HCN1: variants seen among roughly 807,000 people sequenced by gnomAD.
HCN1 encodes hyperpolarization activated cyclic nucleotide gated potassium channel 1.
Under a neutral mutation model 78.9 loss-of-function variants are expected in HCN1, and 13 were observed. That is an observed-to-expected ratio of 0.16 (90% CI 0.11 to 0.26). The LOEUF (loss-of-function observed/expected upper bound fraction) is 0.26. Among genes scored for constraint, HCN1 ranks in the 10% least tolerant of loss-of-function variants. HCN1 has a pLI of 1.00. For synonymous variants in HCN1, 552 were observed against 455.5 expected (o/e 1.21, Z -2.70); for missense variants, 810 against 1,154.3 (o/e 0.70, Z 4.32).
chr5:45,651,096 A>T (rs947780057), intron 1 of HCN1, among the ~76,000 whole-genome samples: 1 of 152,058 alleles, frequency 6.6e-6, no homozygotes, highest in Admixed American at 6.6e-5. Context: ...TTGAATAAAA[A>T]TATTTATGGT....
chr5:45,433,876 T>C (rs762161247), intron 3 of HCN1, among the ~76,000 whole-genome samples: 2 of 152,212 alleles, frequency 1.3e-5, no homozygotes, highest in African/African-American at 2.4e-5. Context: ...AATCAATATC[T>C]GTTGAATGAC....
At chr5:45,677,349 C>T (rs563962786) in intron 1 of HCN1, among the ~76,000 whole-genome samples, 63 of 151,846 alleles carry the variant, frequency 4.1e-4, no homozygotes, top group Admixed American at 2.5e-3. Flanking sequence ...TGTATTGAAG[C>T]AAATTGCCTA....
At position 45,645,627 on chromosome 5, in the gene HCN1, T is replaced by A. The variant is rs753464271; in HGVS notation, c.426-19A>T. 5 of 1,555,592 alleles carry A rather than the reference T, an allele frequency of 3.2e-6. No homozygotes were observed. Among genetic ancestry groups the A allele is most frequent in the Non-Finnish European group, 4.4e-6 (5 of 1,142,204 alleles). On this transcript the variant is annotated intron_variant, in intron 1 of 7. Coordinates refer to ENST00000303230, the MANE Select transcript of HCN1 (RefSeq NM_021072.4). ...GTAAAACCTACAACAAATAAAAAAA[T>A]CAGATTTTAAGATATAGAAAATAAC...
At chr5:45,472,224 C>T (rs1478618734) in intron 2 of HCN1, among the ~76,000 whole-genome samples, 3 of 151,874 alleles carry the variant, frequency 2.0e-5, no homozygotes, top group African/African-American at 7.2e-5. Context: ...TACCTTCCAT[C>T]CTATCCATTT....
At chr5:45,658,600 C>T (rs1745839487) in intron 1 of HCN1, among the ~76,000 whole-genome samples, 1 of 151,698 alleles carries the variant, frequency 6.6e-6, no homozygotes, top group Non-Finnish European at 1.5e-5. Context: ...TGTGCGCGCA[C>T]CGTGCGCGAG....
intron 2 of HCN1, among the ~76,000 whole-genome samples, chr5:45,508,758 A>G (rs945053823): frequency 6.6e-5 from 10 of 152,146 alleles, no homozygotes; most frequent in African/African-American, 2.4e-4. Context: ...TTTATGATAG[A>G]TACATTTGAA....
At chr5:45,446,281 G>C (rs944789844) in intron 3 of HCN1, among the ~76,000 whole-genome samples, 1 of 152,134 alleles carries the variant, frequency 6.6e-6, no homozygotes, top group African/African-American at 2.4e-5. Context: ...TGGAAGAAAG[G>C]GTATGAGTGA....
intron 4 of HCN1, among the ~76,000 whole-genome samples, chr5:45,373,195 TTA>T (rs1461159045): frequency 1.6e-5 from 2 of 122,682 alleles, no homozygotes; most frequent in Non-Finnish European, 3.2e-5. Flanking sequence ...TATATGTATT[TTA>T]TATATTTTAT....
At chr5:45,579,365 T>C (rs1202576505) in intron 2 of HCN1, among the ~76,000 whole-genome samples, 1 of 152,040 alleles carries the variant, frequency 6.6e-6, no homozygotes, top group African/African-American at 2.4e-5. Flanking sequence ...AACTGCCTCA[T>C]AAATTGAACC....
intron 6 of HCN1, among the ~76,000 whole-genome samples, chr5:45,292,428 A>G (rs541560659): frequency 2.6e-5 from 4 of 152,048 alleles, no homozygotes; most frequent in Non-Finnish European, 5.9e-5. Flanking sequence ...CAACATTTTC[A>G]TCACAACAGA....
At chr5:45,272,856 A>T (rs1049277807) in intron 6 of HCN1, among the ~76,000 whole-genome samples, 1 of 152,106 alleles carries the variant, frequency 6.6e-6, no homozygotes, top group Non-Finnish European at 1.5e-5. Flanking sequence ...TAAATACAAA[A>T]TAAAATAAAA....
intron 2 of HCN1, among the ~76,000 whole-genome samples, chr5:45,630,241 A>G (rs1046900772): frequency 6.6e-5 from 10 of 152,200 alleles, no homozygotes; most frequent in Non-Finnish European, 1.2e-4. Context: ...AGTTTCAGTC[A>G]TATTTAAGCA....
At chr5:45,626,955 A>G (rs538335959) in intron 2 of HCN1, among the ~76,000 whole-genome samples, 2 of 151,862 alleles carry the variant, frequency 1.3e-5, no homozygotes, top group East Asian at 3.9e-4. Context: ...CCATATATAT[A>G]TATACACACA....
chr5:45,392,742 C>T (rs1047303064), intron 4 of HCN1, among the ~76,000 whole-genome samples: 17 of 150,978 alleles, frequency 1.1e-4, no homozygotes, highest in African/African-American at 2.4e-4. Flanking sequence ...GCCAAGATCG[C>T]GCCACAGCAC....
At chr5:45,291,540 C>CT (rs1021725434) in intron 6 of HCN1, among the ~76,000 whole-genome samples, 32 of 151,894 alleles carry the variant, frequency 2.1e-4, no homozygotes, top group Non-Finnish European at 4.0e-4. Flanking sequence ...AGCTTTCTCT[C>CT]TTTTTTATTT....
chr5:45,313,092 G>A (rs978570490), intron 5 of HCN1, among the ~76,000 whole-genome samples: 4 of 152,152 alleles, frequency 2.6e-5, no homozygotes, highest in Non-Finnish European at 5.9e-5. Context: ...TGACCCCCAA[G>A]TAGCCCAATT....
At chr5:45,481,628 G>T (rs1741652502) in intron 2 of HCN1, among the ~76,000 whole-genome samples, 2 of 152,098 alleles carry the variant, frequency 1.3e-5, no homozygotes, top group Non-Finnish European at 2.9e-5. Context: ...GAAATAATCT[G>T]GTATGTTGAC....
chr5:45,356,736 G>C (rs1028989084), intron 4 of HCN1, among the ~76,000 whole-genome samples: 1 of 151,828 alleles, frequency 6.6e-6, no homozygotes, highest in Non-Finnish European at 1.5e-5. Context: ...TACTTTACCA[G>C]GTGAAAGTAA....
Position 45,390,613 on chromosome 5 carries a change from A to G in HCN1, c.1230+5879T>C, listed in dbSNP as rs1482014965. Among the ~76,000 whole-genome samples the G allele has an allele frequency of 2.0e-5, 3 of 152,176 alleles. 1 individual carries two copies. The highest frequency in any genetic ancestry group is 2.9e-5 in the Non-Finnish European group (2 of 68,040). ...CTACAATATACATGTAGGGCATTCC[A>G]GCATATAACTTAGAGCATTGACACA... On this transcript the variant is annotated intron_variant, in intron 4 of 7. Coordinates refer to ENST00000303230, the MANE Select transcript of HCN1 (RefSeq NM_021072.4).
Sources: allele counts gnomAD v4.1 joint callset (sites outside exome capture counted in the v4.1 genomes callset), GRCh38; gene constraint gnomAD v4.1.1; transcripts MANE v1.5; gene names NCBI Gene and HGNC (gene_info 2026-07-23, HGNC 2026-07-21).